MAN1B1: variants seen among roughly 807,000 people sequenced by gnomAD.
The protein encoded by MAN1B1 is mannosidase alpha class 1B member 1, also known as endoplasmic reticulum mannosyl-oligosaccharide 1,2-alpha-mannosidase.
Under a neutral mutation model 75.5 loss-of-function variants are expected in MAN1B1, and 66 were observed. The ratio of observed to expected loss-of-function variants is 0.87; its 90% CI spans 0.72 to 1.07. MAN1B1 has a LOEUF of 1.07. MAN1B1 is among the 50% of genes least tolerant of loss of function. MAN1B1 has a pLI of 0.00. For synonymous variants in MAN1B1, 453 were observed against 382.8 expected, an observed-to-expected ratio of 1.18 and a Z score of -2.14; for missense variants, 973 against 912.5, an observed-to-expected ratio of 1.07 and a Z score of -0.85.
chr9:137,103,755 G>A (rs1416214643), intron 8 of MAN1B1: 30 of 453,080 alleles, frequency 6.6e-5, no homozygotes, highest in Non-Finnish European at 1.1e-4. Context: ...CGTGCAGGTC[G>A]GTGGTGTTAC....
chr9:137,103,070 C>T (rs1242214115), intron 8 of MAN1B1: 1 of 150,418 alleles, frequency 6.6e-6, no homozygotes, highest in Non-Finnish European at 1.3e-5. Context: ...TGGTGTTACA[C>T]ACATTCACAC....
At chr9:137,105,044 G>A (rs1211084865) in intron 8 of MAN1B1, 1 of 152,412 alleles carries the variant, frequency 6.6e-6, no homozygotes, top group African/African-American at 2.4e-5. Context: ...TAGTAGAGAT[G>A]GGGTTTTGCC....
chr9:137,101,953 A>G (rs1474644592), intron 8 of MAN1B1: 3 of 570,026 alleles, frequency 5.3e-6, no homozygotes, highest in Non-Finnish European at 9.8e-6. Flanking sequence ...GCAGGCGTAC[A>G]GGTCAGTGGT....
chr9:137,092,468 GTTTC>G (rs988561756), intron 3 of MAN1B1, among the ~76,000 whole-genome samples: 62 of 152,296 alleles, frequency 4.1e-4, no homozygotes, highest in African/African-American at 1.4e-3. Context: ...ATTGGTCCCT[GTTTC>G]TTTTTTTATG....
intron 8 of MAN1B1, chr9:137,102,894 G>A (rs934949186): frequency 6.2e-3 from 2,466 of 395,880 alleles, no homozygotes; most frequent in African/African-American, 0.019. Flanking sequence ...TTGCAGGCGT[G>A]CAGGTCAGTG....
chr9:137,094,408 T>C, intron 3 of MAN1B1: 1 of 503,570 alleles, frequency 2.0e-6, no homozygotes, highest in South Asian at 1.4e-5. Flanking sequence ...AGCAGGGAGA[T>C]GAAGAGGACA....
Position 137,108,818 on chromosome 9 carries a change from G to A in MAN1B1, c.*227G>A, listed in dbSNP as rs1482615976. On this transcript the variant is annotated 3_prime_UTR_variant, in exon 13 of 13. Transcript: ENST00000371589. Reference sequence around the variant, plus strand: ...GGCTGGGCCGCTGGAGCCTCCGCCTGCTTCCTCCAGAAGACACGAATCATG... The same window carrying A: ...GGCTGGGCCGCTGGAGCCTCCGCCTACTTCCTCCAGAAGACACGAATCATG... 1.5e-5 allele frequency: 10 copies of A among 680,532 alleles called. No individual in the cohort carries two copies. The African/African-American group carries it at 1.6e-4, about 11-fold the overall frequency. The allele number at this position is 680,532 out of a possible 1,614,324, so 42.2% of individuals were successfully genotyped here. A position where few individuals can be genotyped will look rare whatever the true frequency, so the allele number is the denominator to read the frequency against.
In MAN1B1 at chr9:137,094,249, A is replaced by T. The variant is rs543822574; in HGVS notation, c.466-1988A>T. ...AGGCTGGTCTGGAACTCCTGGGCTC[A>T]GGTGATCCTCCTGCCTCGGCCTCCC... is the stretch of plus-strand genomic sequence containing the variant. On this transcript the variant is annotated intron_variant, in intron 3 of 12. Coordinates refer to ENST00000371589, the MANE Select transcript of MAN1B1 (RefSeq NM_016219.5). 2.9e-5 allele frequency: 5 copies of T among 173,276 alleles called. No homozygotes were observed. In the South Asian group the frequency reaches 5.1e-4, roughly 18 times the overall value. The allele number at this position is 173,276 out of a possible 1,614,324, so 10.7% of individuals were successfully genotyped here.
At chr9:137,099,434 C>T (rs1179049856) in intron 5 of MAN1B1, among the ~76,000 whole-genome samples, 2 of 152,244 alleles carry the variant, frequency 1.3e-5, no homozygotes, top group African/African-American at 4.8e-5. Flanking sequence ...GCATGGGCCC[C>T]AGTCAGGTGG....
intron 6 of MAN1B1, 53 bp downstream of exon 6, chr9:137,099,934 C>G (rs1830763421): frequency 4.4e-6 from 7 of 1,594,888 alleles, no homozygotes. Context: ...GCCTCGTGTG[C>G]TGAGGCAGAG....
At chr9:137,099,139 TAAAA>T (rs1048606044) in intron 5 of MAN1B1, among the ~76,000 whole-genome samples, 15 of 152,128 alleles carry the variant, frequency 9.9e-5, no homozygotes, top group African/African-American at 2.9e-4. Context: ...CAAAAAAATT[TAAAA>T]AAAGGGAACG....
chr9:137,106,188 C>G lies in MAN1B1; in HGVS notation c.1318C>G (p.Pro440Ala). The part of the protein sequence containing the change: ...GLSGKKDGLV[P>A]MFINTHSGLF... ...GTCTGGGAAGAAGGATGGGCTGGTGCCCATGTTCATCAATACCCACAGTGG... is the reference window on the plus strand; with the variant it reads ...GTCTGGGAAGAAGGATGGGCTGGTGGCCATGTTCATCAATACCCACAGTGG... Residue 440 changes from proline to alanine, a missense_variant, in exon 9 of 13, where the codon CCC (proline) becomes GCC (alanine). Transcript: ENST00000371589. 6.2e-7 allele frequency: 1 copy of G among 1,612,540 alleles called. No individual in the cohort carries two copies. The highest frequency in any genetic ancestry group is 8.5e-7 in the Non-Finnish European group (1 of 1,179,754).
Position 137,106,315 on chromosome 9 carries a change from A to G in MAN1B1, c.1445A>G (p.Gln482Arg), listed in dbSNP as rs749330337. Residue 482 changes from glutamine (Q) to arginine (R), a missense_variant and splice_region_variant, in exon 9 of 13, where the codon CAG (glutamine) becomes CGG (arginine). Gln to Arg is a conservative substitution (Grantham distance 43, BLOSUM62 1). Transcript: ENST00000371589. The stretch of plus-strand genomic sequence containing the variant: ...ATCCAGGGCGGGAAGCAGGAGACAC[A>G]GTGAGGCCCGGCCCGCTGCCCCCAG... ...QWIQGGKQET[Q>R]LLEDYVEAIE... 2 of 1,549,252 alleles carry G rather than the reference A, an allele frequency of 1.3e-6. No individual in the cohort carries two copies. Among genetic ancestry groups the G allele is most frequent in the African/African-American group, 1.4e-5 (1 of 73,224 alleles).
chr9:137,104,908 G>A (rs1222513332), intron 8 of MAN1B1: 1 of 150,152 alleles, frequency 6.7e-6, no homozygotes, highest in Non-Finnish European at 1.5e-5. Flanking sequence ...ACACCTGCCT[G>A]AGGCTGTGGC....
chr9:137,101,224 TGTG>T, intron 7 of MAN1B1, 71 bp downstream of exon 7: 1 of 1,568,360 alleles, frequency 6.4e-7, no homozygotes, highest in Non-Finnish European at 8.8e-7. Flanking sequence ...TTAGTGGACT[TGTG>T]GGGACGTGAC....
intron 3 of MAN1B1, among the ~76,000 whole-genome samples, chr9:137,091,164 C>T (rs776748872): frequency 6.6e-6 from 1 of 152,222 alleles, no homozygotes; most frequent in East Asian, 1.9e-4. Context: ...ACTGGAAAGC[C>T]GACAGGTGCT....
At chr9:137,099,563 C>T (rs1830747958) in intron 5 of MAN1B1, 133 bp from the exon 6 acceptor site, 1 of 950,952 alleles carries the variant, frequency 1.1e-6, no homozygotes, top group African/African-American at 1.6e-5. Flanking sequence ...CCCACCACCG[C>T]CCTTCCCGTC....
At chr9:137,088,390 G>A (rs1397745887) in intron 2 of MAN1B1, 2 of 1,580,162 alleles carry the variant, frequency 1.3e-6, no homozygotes, top group African/African-American at 1.3e-5. Context: ...TACTTTCTAG[G>A]TCTCTGGTGT....
At chr9:137,098,936 T>C (rs1219133020) in intron 5 of MAN1B1, among the ~76,000 whole-genome samples, 1 of 152,170 alleles carries the variant, frequency 6.6e-6, no homozygotes, top group African/African-American at 2.4e-5. Context: ...TTCAAGCAAG[T>C]CTCCTGCCTC....
Sources: allele counts gnomAD v4.1 joint callset (sites outside exome capture counted in the v4.1 genomes callset), GRCh38; gene constraint gnomAD v4.1.1; transcripts MANE v1.5; gene names NCBI Gene and HGNC (gene_info 2026-07-23, HGNC 2026-07-21).